The following HAUS7 variants were observed in gnomAD, a reference collection of about 807,000 sequenced individuals.
HAUS7 encodes the protein HAUS augmin-like complex subunit 7.
In HAUS7, 3 loss-of-function variants were observed where a neutral mutation model predicts 28.4. The observed-to-expected ratio is 0.11, with a 90% CI of 0.05 to 0.27. HAUS7 has a LOEUF of 0.27. HAUS7 is among the 10% of genes least tolerant of loss of function. The probability of loss-of-function intolerance (pLI) is 1.00; values close to 1 mark genes in which losing one functional copy is unlikely to be tolerated. For synonymous variants in HAUS7, 165 were observed against 132.1 expected, an observed-to-expected ratio of 1.25 and a Z score of -1.71; for missense variants, 284 against 297.3, an observed-to-expected ratio of 0.96 and a Z score of 0.33.
At chrX:153,474,739 G>T (rs868950850), upstream of HAUS7, among the ~76,000 whole-genome samples, 1 of 97,377 alleles carries the variant, frequency 1.0e-5, no homozygotes, top group Non-Finnish European at 2.1e-5. Flanking sequence ...GCGGGGGCGC[G>T]GGCGCTGGCG....
At chrX:153,479,474 C>T in intron 1 of HAUS7, 1 of 602,286 alleles carries the variant, frequency 1.7e-6, no homozygotes, top group Non-Finnish European at 2.0e-6. Flanking sequence ...CTGCAAAGGG[C>T]CCATGGCCCT....
chrX:153,453,849 T>G (rs898532294), intron 9 of HAUS7, among the ~76,000 whole-genome samples: 2 of 107,098 alleles, frequency 1.9e-5, no homozygotes, highest in East Asian at 2.9e-4. Context: ...TAAGACAGGG[T>G]CTGGCTGTCA....
upstream of HAUS7, among the ~76,000 whole-genome samples, chrX:153,471,777 A>C (rs1440498646): frequency 1.8e-5 from 2 of 111,766 alleles, no homozygotes; most frequent in Non-Finnish European, 3.8e-5. Context: ...CCGTCCTGGG[A>C]GGAGGGAGCG....
At position 153,454,362 on chromosome X, in the gene HAUS7, C is replaced by T. The variant is rs782242417; in HGVS notation, c.1045+32G>A. On this transcript the variant is annotated intron_variant, in intron 9 of 9. Coordinates refer to ENST00000370211, the MANE Select transcript of HAUS7 (RefSeq NM_001385482.1). ...AAGGAAGCCTGTGCGTGGGGCAGCC[C>T]CAGGCAGAGGGCCAGGTGGGCAGCC... is the stretch of plus-strand genomic sequence containing the variant. The T allele has an allele frequency of 3.4e-5, 29 of 852,222 alleles. No homozygotes were observed. The Admixed American group carries it at 6.2e-4, about 18-fold the overall frequency. The allele number at this position is 852,222 out of a possible 1,213,427, so 70.2% of individuals were successfully genotyped here.
Position 153,456,330 on chromosome X carries a change from TCTC to T in HAUS7, c.637_639del (p.Glu213del), listed in dbSNP as rs781947009. 8.3e-7 allele frequency: 1 copy of T among 1,210,694 alleles called. No individual in the cohort carries two copies. The highest frequency in any genetic ancestry group is 1.1e-6 in the Non-Finnish European group (1 of 894,670). On this transcript the variant is annotated inframe_deletion, in exon 7 of 10. Coordinates refer to ENST00000370211, the MANE Select transcript of HAUS7 (RefSeq NM_001385482.1). ...AGCTGCCTGGCAAGCTCCGCCAGCTTCTCCTCCTCCTCGGACTTGGCAGAGGCA... is the reference window on the plus strand; with the variant it reads ...AGCTGCCTGGCAAGCTCCGCCAGCTTCTCCTCCTCGGACTTGGCAGAGGCA...
intron 4 of HAUS7, among the ~76,000 whole-genome samples, chrX:153,459,143 G>A (rs186810340): frequency 5.4e-5 from 6 of 112,062 alleles, no homozygotes; most frequent in Non-Finnish European, 9.4e-5. Flanking sequence ...CTAATGGCCC[G>A]TGATGCTGGC....
At chrX:153,493,824 T>A (rs2089687527) in intron 1 of HAUS7, among the ~76,000 whole-genome samples, 1 of 111,643 alleles carries the variant, frequency 9.0e-6, no homozygotes, top group Non-Finnish European at 1.9e-5. Flanking sequence ...CCCGGTTGAG[T>A]GATGGCACTG....
chrX:153,465,106 C>G, intron 2 of HAUS7, 51 bp from the exon 3 acceptor site: 1 of 859,533 alleles, frequency 1.2e-6, no homozygotes, highest in South Asian at 2.1e-5. Context: ...AGAGAATCCC[C>G]CTGGGCCCTC....
At chrX:153,466,557 G>A (rs782087141) in intron 2 of HAUS7, among the ~76,000 whole-genome samples, 7 of 111,868 alleles carry the variant, frequency 6.3e-5, no homozygotes, top group African/African-American at 1.6e-4. Flanking sequence ...ATGAAAAGGC[G>A]GCCCTAAATG....
At chrX:153,470,204 A>G (rs782174774) in intron 1 of HAUS7, among the ~76,000 whole-genome samples, 1 of 113,194 alleles carries the variant, frequency 8.8e-6, no homozygotes, top group Admixed American at 9.2e-5. Context: ...CTGCAGTTCC[A>G]CAGGCGGTGC....
At position 153,462,140 on chromosome X, in the gene HAUS7, A is replaced by G. The variant is rs1396447215; in HGVS notation, c.354+470T>C. The G allele has an allele frequency of 9.6e-6, 10 of 1,037,966 alleles. No homozygotes were observed. The African/African-American group carries it at 1.7e-4, about 18-fold the overall frequency. 85.5% of individuals were successfully genotyped at this position (1,037,966 alleles called of 1,213,427 possible). A position where few individuals can be genotyped will look rare whatever the true frequency, so the allele number is the denominator to read the frequency against. On this transcript the variant is annotated intron_variant, in intron 4 of 9. Transcript: ENST00000370211. ...AAGAATGTTTATAGTAGCATTACTC[A>G]TAATCATCGAGTGAAAACAATTATT...
At position 153,465,145 on chromosome X, in the gene HAUS7, T is replaced by C. The variant is rs73640040; in HGVS notation, c.225-90A>G. ...ACGCGCTGGAAGAAGTGAATTCCTG[T>C]GCACGTGCTCAACGGCACGGAGCGG... On this transcript the variant is annotated intron_variant, in intron 2 of 9. Transcript: ENST00000370211. The C allele has an allele frequency of 0.013, 7,740 of 594,553 alleles. 359 individuals carry two copies. In the African/African-American group the frequency reaches 0.14, roughly 11 times the overall value. 49.0% of individuals were successfully genotyped at this position (594,553 alleles called of 1,213,427 possible). A position where few individuals can be genotyped will look rare whatever the true frequency, so the allele number is the denominator to read the frequency against.
chrX:153,485,861 G>C (rs782663970), intron 1 of HAUS7: 4 of 911,227 alleles, frequency 4.4e-6, no homozygotes, highest in Non-Finnish European at 5.6e-6. Flanking sequence ...GCTGCACCAC[G>C]ACCACATCGA....
intron 1 of HAUS7, chrX:153,486,508 G>A (rs186709674): frequency 6.4e-5 from 35 of 549,443 alleles, no homozygotes; most frequent in Middle Eastern, 4.1e-4. Flanking sequence ...CCACAGTTCC[G>A]ATTCTGTGGC....
intron 1 of HAUS7, chrX:153,480,599 T>C (rs1278917001): frequency 2.7e-6 from 2 of 753,747 alleles, no homozygotes; most frequent in Admixed American, 1.7e-4. Flanking sequence ...AGCCCATCCC[T>C]GGCATCGGCC....
intron 1 of HAUS7, among the ~76,000 whole-genome samples, chrX:153,484,274 C>G (rs1190156366): frequency 8.9e-6 from 1 of 112,688 alleles, no homozygotes; most frequent in Non-Finnish European, 1.9e-5. Flanking sequence ...ACATCCTCCC[C>G]TGCAATCCTT....
At chrX:153,448,107 A>G (rs782531149) in intron 9 of HAUS7, among the ~76,000 whole-genome samples, 198 bp from the exon 10 acceptor site, 140 of 110,108 alleles carry the variant, frequency 1.3e-3, no homozygotes, top group African/African-American at 4.4e-3. Context: ...TGTTTATTGC[A>G]GCACTATTCA....
chrX:153,448,365 A>T (rs782075955), intron 9 of HAUS7, among the ~76,000 whole-genome samples: 135 of 80,310 alleles, frequency 1.7e-3, no homozygotes, highest in African/African-American at 6.4e-3. Context: ...GGACACAGGA[A>T]GGGGAACATC....
intron 4 of HAUS7, among the ~76,000 whole-genome samples, chrX:153,457,684 G>C (rs868937931): frequency 3.5e-5 from 4 of 113,106 alleles, no homozygotes; most frequent in Admixed American, 9.3e-5. Flanking sequence ...TCCAGCCAGG[G>C]GACTGGCGTT....
Sources: gnomAD v4.1 joint callset for allele counts (sites outside exome capture counted in the v4.1 genomes callset) on GRCh38, gnomAD v4.1.1 for gene constraint, MANE v1.5 for transcripts, NCBI Gene and HGNC (gene_info 2026-07-23, HGNC 2026-07-21) for gene names.